Variants in GNG7 observed in about 807,000 individuals in gnomAD.
GNG7 encodes the protein G protein subunit gamma 7, also known as guanine nucleotide-binding protein G(I)/G(S)/G(O) subunit gamma-7.
In GNG7, 1 loss-of-function variant was observed where a neutral mutation model predicts 4.0. The observed-to-expected ratio is 0.25, with a 90% CI of 0.09 to 1.18. GNG7 has a LOEUF of 1.18. GNG7 is among the 50% of genes most tolerant of loss of function. The pLI is 0.50. For missense variants in GNG7, 86 were observed against 91.9 expected (o/e 0.94, Z 0.26); for synonymous variants, 34 against 36.9 (o/e 0.92, Z 0.29).
intron 3 of GNG7, among the ~76,000 whole-genome samples, chr19:2,540,136 G>A (rs575171074): frequency 1.2e-4 from 15 of 129,994 alleles, no homozygotes; most frequent in Admixed American, 2.7e-4. Context: ...CCTTCCTTCC[G>A]TCTCTCTCTC....
intron 1 of GNG7, among the ~76,000 whole-genome samples, chr19:2,684,737 C>A (rs1983828876): frequency 6.6e-6 from 1 of 152,064 alleles, no homozygotes; most frequent in South Asian, 2.1e-4. Flanking sequence ...GCCTGTAATC[C>A]CAGCACTTTG....
intron 3 of GNG7, among the ~76,000 whole-genome samples, chr19:2,527,774 A>ACCCCCCCCCCCCC (rs59937877): frequency 1.6e-5 from 2 of 125,082 alleles, no homozygotes; most frequent in African/African-American, 7.2e-5. Context: ...TTGCCAGGAA[A>ACCCCCCCCCCCCC]CCCCCCCCCC....
chr19:2,628,063 C>T (rs1243475781), intron 2 of GNG7, among the ~76,000 whole-genome samples: 2 of 152,222 alleles, frequency 1.3e-5, no homozygotes, highest in African/African-American at 4.8e-5. Flanking sequence ...CTGTTTTCTC[C>T]TATGTGAAGT....
rs116090730 is a variant in GNG7, at chr19:2,677,087, C to A, written c.-135+25559G>T. Among the ~76,000 whole-genome samples the A allele has an allele frequency of 7.1e-3, 1,083 of 152,180 alleles. 12 individuals carry two copies. The highest frequency in any genetic ancestry group is 0.025 in the African/African-American group (1,017 of 41,506). On this transcript the variant is annotated intron_variant, in intron 1 of 4. Transcript: ENST00000382159. ...CTGTGTCACCACAGAGGAAAAACGG[C>A]CGCTTAATTACACTTGCATATATGC...
chr19:2,522,896 G>A (rs894588119), intron 3 of GNG7, among the ~76,000 whole-genome samples: 9 of 150,974 alleles, frequency 6.0e-5, no homozygotes, highest in African/African-American at 1.9e-4. Flanking sequence ...ACAGAGTCTC[G>A]CTCTGTTGCC....
At chr19:2,669,370 A>G (rs1366414945) in intron 1 of GNG7, among the ~76,000 whole-genome samples, 1 of 152,098 alleles carries the variant, frequency 6.6e-6, no homozygotes, top group African/African-American at 2.4e-5. Flanking sequence ...CATGCCTGTA[A>G]TCCCAGCTAC....
Position 2,629,553 on chromosome 19 carries a change from G to A in GNG7, c.-78+16671C>T, listed in dbSNP as rs80003455. ...ACACCTAGTGCCACCCCCTCCCCACGACAAAGCCCACCAGAAGGGCTGGCT... is the reference window on the plus strand; with the variant it reads ...ACACCTAGTGCCACCCCCTCCCCACAACAAAGCCCACCAGAAGGGCTGGCT... On this transcript the variant is annotated intron_variant, in intron 2 of 4. Coordinates refer to ENST00000382159, the MANE Select transcript of GNG7 (RefSeq NM_052847.3). 5.3e-5 allele frequency among the ~76,000 whole-genome samples: 8 copies of A among 152,224 alleles called. No homozygotes were observed. The East Asian group carries it at 5.8e-4, about 11-fold the overall frequency.
Position 2,513,237 on chromosome 19 carries a change from G to C in GNG7, c.*1785C>G. On this transcript the variant is annotated 3_prime_UTR_variant, in exon 5 of 5. Transcript: ENST00000382159. ...GATCCCCGCCTCACGGGCCTGCACG[G>C]AGGACCTGGGCGGCCGTCCAGGAAC... 4 of 703,004 alleles carry C rather than the reference G, an allele frequency of 5.7e-6. No homozygotes were observed. Among genetic ancestry groups the C allele is most frequent in the African/African-American group, 1.9e-5 (1 of 51,776 alleles). The allele number at this position is 703,004 out of a possible 1,614,324, so 43.5% of individuals were successfully genotyped here.
At chr19:2,584,868 G>C (rs1599405529) in intron 2 of GNG7, among the ~76,000 whole-genome samples, 1 of 49,492 alleles carries the variant, frequency 2.0e-5, no homozygotes, top group Non-Finnish European at 3.4e-5. Context: ...AGGAGGGAGG[G>C]AGGGAGGGAG....
chr19:2,667,256 A>G (rs1481773530), intron 1 of GNG7, among the ~76,000 whole-genome samples: 2 of 152,174 alleles, frequency 1.3e-5, no homozygotes, highest in Non-Finnish European at 2.9e-5. Context: ...CGGGAGGCGG[A>G]GGTTGCAGTG....
chr19:2,608,597 C>T (rs1007471338), intron 2 of GNG7, among the ~76,000 whole-genome samples: 9 of 152,216 alleles, frequency 5.9e-5, no homozygotes, highest in African/African-American at 9.7e-5. Flanking sequence ...GGAGGAGCTC[C>T]CCTGGCTGCC....
At chr19:2,552,076 A>C (rs889574988) in intron 3 of GNG7, among the ~76,000 whole-genome samples, 5 of 152,258 alleles carry the variant, frequency 3.3e-5, no homozygotes, top group Non-Finnish European at 7.4e-5. Flanking sequence ...TTCTCATAGA[A>C]GCGTGAACCC....
chr19:2,599,729 G>A (rs2144810715), intron 2 of GNG7, among the ~76,000 whole-genome samples: 1 of 152,278 alleles, frequency 6.6e-6, no homozygotes, highest in Non-Finnish European at 1.5e-5. Flanking sequence ...CTGCGGTCAG[G>A]AGTTCGAGAC....
intron 1 of GNG7, among the ~76,000 whole-genome samples, chr19:2,695,966 C>T (rs570894379): frequency 6.9e-6 from 1 of 145,324 alleles, no homozygotes; most frequent in South Asian, 2.1e-4. Flanking sequence ...CGAGACCAGC[C>T]TGGGCAACAT....
At chr19:2,645,562 A>AT (rs140851709) in intron 2 of GNG7, among the ~76,000 whole-genome samples, 26,883 of 151,578 alleles carry the variant, frequency 0.18, 2,556 homozygotes, top group Middle Eastern at 0.25. Flanking sequence ...TTAAAAAAAA[A>AT]TTTTGTTTTA....
At chr19:2,691,144 G>C (rs150551036) in intron 1 of GNG7, among the ~76,000 whole-genome samples, 2 of 152,068 alleles carry the variant, frequency 1.3e-5, no homozygotes. Flanking sequence ...TGTTCTTACC[G>C]CTCGATTTTG....
At chr19:2,637,148 T>C (rs1982332817) in intron 2 of GNG7, among the ~76,000 whole-genome samples, 1 of 149,504 alleles carries the variant, frequency 6.7e-6, no homozygotes, top group Admixed American at 6.6e-5. Flanking sequence ...CTCTGCCCCC[T>C]CGTGGCCGCC....
intron 2 of GNG7, among the ~76,000 whole-genome samples, chr19:2,568,092 CACACACTT>C: frequency 6.6e-6 from 1 of 151,518 alleles, no homozygotes. Context: ...CATGCACACA[CACACACTT>C]ACACACATGC....
chr19:2,589,687 G>C (rs868531935), intron 2 of GNG7, among the ~76,000 whole-genome samples: 1 of 152,212 alleles, frequency 6.6e-6, no homozygotes, highest in African/African-American at 2.4e-5. Context: ...CTGCGCGTAG[G>C]GGGTTGTACT....
Sources: allele counts gnomAD v4.1 joint callset (sites outside exome capture counted in the v4.1 genomes callset), GRCh38; gene constraint gnomAD v4.1.1; transcripts MANE v1.5; gene names NCBI Gene and HGNC (gene_info 2026-07-23, HGNC 2026-07-21).